TAF15: variants seen among roughly 807,000 people sequenced by gnomAD.
The protein encoded by TAF15 is TATA-box binding protein associated factor 15.
Under a neutral mutation model 102.5 loss-of-function variants are expected in TAF15, and 37 were observed. The observed-to-expected ratio is 0.36, with a 90% CI of 0.28 to 0.47. The LOEUF is 0.47. TAF15 is among the 20% of genes least tolerant of loss of function. The pLI, the probability that TAF15 is intolerant of heterozygous loss-of-function variation, is 0.99. For missense variants in TAF15, 652 were observed against 760.7 expected (o/e 0.86, Z 1.68); for synonymous variants, 273 against 259.2 (o/e 1.05, Z -0.51).
chr17:35,813,984 C>G (rs1238091879), intron 1 of TAF15, among the ~76,000 whole-genome samples: 1 of 146,180 alleles, frequency 6.8e-6, no homozygotes, highest in African/African-American at 2.6e-5. Context: ...TTTCTTTTTT[C>G]TGTTTTTTTT....
chr17:35,836,277 TTAA>T, intron 10 of TAF15, 36 bp downstream of exon 10: 1 of 1,391,122 alleles, frequency 7.2e-7, no homozygotes, highest in East Asian at 2.3e-5. Flanking sequence ...AATCTCATAA[TTAA>T]TGTTCTGATT....
intron 6 of TAF15, chr17:35,823,766 C>G: frequency 7.0e-6 from 2 of 285,802 alleles, no homozygotes; most frequent in Non-Finnish European, 1.4e-5. Context: ...TACTAAGGTT[C>G]TTGTAGCTAA....
intron 5 of TAF15, among the ~76,000 whole-genome samples, chr17:35,820,793 A>G (rs750601059): frequency 1.3e-5 from 2 of 152,266 alleles, no homozygotes; most frequent in African/African-American, 2.4e-5. Context: ...ATTTGAATAT[A>G]TTAACTTTTC....
chr17:35,809,514 T>G lies in TAF15; in HGVS notation c.-56T>G, dbSNP rs1366431144. 1.2e-6 allele frequency: 2 copies of G among 1,611,684 alleles called. No individual in the cohort carries two copies. Among genetic ancestry groups the G allele is most frequent in the Non-Finnish European group, 1.7e-6 (2 of 1,179,508 alleles). On this transcript the variant is annotated 5_prime_UTR_variant, in exon 1 of 16. Coordinates refer to ENST00000605844, the MANE Select transcript of TAF15 (RefSeq NM_139215.3). ...AGCTCCGGCCGCCGCGCCGCCTGGCTTTCGTATTCGTTGTTCTCGGCGGGC... is the reference window on the plus strand; with the variant it reads ...AGCTCCGGCCGCCGCGCCGCCTGGCGTTCGTATTCGTTGTTCTCGGCGGGC...
At chr17:35,811,409 G>T (rs756309124) in intron 1 of TAF15, 1 of 152,124 alleles carries the variant, frequency 6.6e-6, no homozygotes, top group African/African-American at 2.4e-5. Flanking sequence ...CTTACTAGAC[G>T]CTTGTTTTTA....
intron 7 of TAF15, among the ~76,000 whole-genome samples, chr17:35,826,598 C>T (rs2143778677): frequency 6.7e-6 from 1 of 149,670 alleles, no homozygotes; most frequent in African/African-American, 2.5e-5. Flanking sequence ...CGCTCTGTTG[C>T]CCAGGCTGGA....
intron 15 of TAF15, among the ~76,000 whole-genome samples, chr17:35,846,459 C>T (rs919559095): frequency 7.9e-5 from 12 of 152,186 alleles, no homozygotes; most frequent in African/African-American, 2.9e-4. Context: ...TTCTTTAGTT[C>T]TAGTCCTTCT....
At position 35,809,588 on chromosome 17, in the gene TAF15, C is replaced by T. The variant is rs745585462; in HGVS notation, c.7+12C>T. 2.5e-6 allele frequency: 4 copies of T among 1,613,276 alleles called. No individual in the cohort carries two copies. Among genetic ancestry groups the T allele is most frequent in the Admixed American group, 1.7e-5 (1 of 60,002 alleles). The stretch of plus-strand genomic sequence containing the variant: ...GTTAGTCATGTCGGGTAGGTGACTT[C>T]TTCAGCGAGCAGCGGCAGCGACGAG... On this transcript the variant is annotated intron_variant, in intron 1 of 15. Transcript: ENST00000605844.
At chr17:35,824,363 C>T in intron 7 of TAF15, 165 bp downstream of exon 7, 5 of 911,984 alleles carry the variant, frequency 5.5e-6, no homozygotes, top group East Asian at 2.7e-5. Flanking sequence ...TATTTTCAGT[C>T]TTAATATCTC....
chr17:35,812,454 A>G (rs1481584731), intron 1 of TAF15, among the ~76,000 whole-genome samples: 4 of 151,716 alleles, frequency 2.6e-5, no homozygotes, highest in Non-Finnish European at 5.9e-5. Flanking sequence ...AAGGCATCCT[A>G]CATGCCTGTA....
chr17:35,809,726 G>T lies in TAF15; in HGVS notation c.7+150G>T, dbSNP rs1442602530. 3 of 1,052,814 alleles carry T rather than the reference G, an allele frequency of 2.8e-6. No individual in the cohort carries two copies. In the African/African-American group the frequency reaches 4.7e-5, roughly 17 times the overall value. The allele number at this position is 1,052,814 out of a possible 1,614,324, so 65.2% of individuals were successfully genotyped here. Reference sequence around the variant, plus strand: ...GGGCGGCCGCTGCCGCCGCCATGTTGAACTGGAGGCACGCACGCTCCCAAT... The same window carrying T: ...GGGCGGCCGCTGCCGCCGCCATGTTTAACTGGAGGCACGCACGCTCCCAAT... On this transcript the variant is annotated intron_variant, in intron 1 of 15. Transcript: ENST00000605844.
At chr17:35,841,044 A>G (rs377082989) in intron 11 of TAF15, among the ~76,000 whole-genome samples, 2 of 152,360 alleles carry the variant, frequency 1.3e-5, no homozygotes, top group African/African-American at 4.8e-5. Flanking sequence ...TGCATATGGT[A>G]TATTCAGAAA....
At chr17:35,822,271 G>A (rs2087269630) in intron 5 of TAF15, among the ~76,000 whole-genome samples, 1 of 151,258 alleles carries the variant, frequency 6.6e-6, no homozygotes, top group South Asian at 2.1e-4. Flanking sequence ...AACCCATGAG[G>A]TGGAGGTTGC....
At chr17:35,837,908 G>A (rs1032130963) in intron 10 of TAF15, among the ~76,000 whole-genome samples, 5 of 152,064 alleles carry the variant, frequency 3.3e-5, no homozygotes, top group Non-Finnish European at 5.9e-5. Context: ...TGGATGTGGT[G>A]GCTGATTCCT....
chr17:35,836,870 C>T (rs1024590684), intron 10 of TAF15, among the ~76,000 whole-genome samples: 16 of 151,478 alleles, frequency 1.1e-4, no homozygotes, highest in South Asian at 2.1e-4. Context: ...CTCTGCCTTC[C>T]GGGTTCAAGT....
chr17:35,811,107 T>A (rs2087119725), intron 1 of TAF15: 1 of 152,230 alleles, frequency 6.6e-6, no homozygotes, highest in South Asian at 2.1e-4. Context: ...AATTCTACCC[T>A]CGTGGAGAAA....
In TAF15 at chr17:35,844,912, G is replaced by A. The variant is rs1244793355; in HGVS notation, c.1613G>A (p.Gly538Asp). 5 of 1,613,136 alleles carry A rather than the reference G, an allele frequency of 3.1e-6. No individual in the cohort carries two copies. Among genetic ancestry groups the A allele is most frequent in the Non-Finnish European group, 8.5e-7 (1 of 1,179,528 alleles). Residue 538 changes from glycine to aspartate, a missense_variant, in exon 15 of 16, where the codon GGC becomes GAC. Physicochemically the swap from Gly to Asp is moderately conservative, Grantham distance 94. Transcript: ENST00000605844. The part of the protein sequence containing the change: ...RGGYGGDRGG[G>D]SGYGGDRSGG... ...GGCTATGGAGGAGACCGTGGTGGTG[G>A]CAGTGGCTACGGTGGAGACCGAAGT...
chr17:35,846,046 G>A (rs1186424033), intron 15 of TAF15, among the ~76,000 whole-genome samples: 3 of 152,190 alleles, frequency 2.0e-5, no homozygotes, highest in Non-Finnish European at 4.4e-5. Context: ...TTGTGCACAC[G>A]AATGGTGTAG....
At chr17:35,841,688 A>G (rs1598550282) in intron 11 of TAF15, among the ~76,000 whole-genome samples, 1 of 143,794 alleles carries the variant, frequency 7.0e-6, no homozygotes, top group Non-Finnish European at 1.5e-5. Flanking sequence ...TTGAGTCATC[A>G]CGCCCAGCTT....
Sources: allele counts gnomAD v4.1 joint callset (sites outside exome capture counted in the v4.1 genomes callset), GRCh38; gene constraint gnomAD v4.1.1; transcripts MANE v1.5; gene names NCBI Gene and HGNC (gene_info 2026-07-23, HGNC 2026-07-21).